Variants in SPTBN1 observed in about 807,000 individuals in gnomAD.
The protein encoded by SPTBN1 is spectrin beta, non-erythrocytic 1.
A neutral mutation model predicts 266.4 loss-of-function variants in SPTBN1; 32 were observed. The ratio of observed to expected loss-of-function variants is 0.12; its 90% CI spans 0.09 to 0.16. The LOEUF is 0.16. Among genes scored for constraint, SPTBN1 ranks in the 10% least tolerant of loss-of-function variants. The pLI, the probability that SPTBN1 is intolerant of heterozygous loss-of-function variation, is 1.00. For missense variants in SPTBN1, 2,296 were observed against 3,067.1 expected, an observed-to-expected ratio of 0.75 and a Z score of 5.94; for synonymous variants, 1,336 against 1,162.2, an observed-to-expected ratio of 1.15 and a Z score of -3.04.
Position 54,558,961 on chromosome 2 carries a change from A to G in SPTBN1, c.148+32395A>G, listed in dbSNP as rs989860928. ...TCTTGGAGGCTTTATTTGTGACCCT[A>G]ATGAAGACGGGCGGCTTCACAGCTC... On this transcript the variant is annotated intron_variant, in intron 2 of 35. Coordinates refer to ENST00000356805, the MANE Select transcript of SPTBN1 (RefSeq NM_003128.3). The surrounding 1 kb of genome is among the most constrained non-coding windows in gnomAD (Gnocchi z 4.6). The G allele has an allele frequency of 2.6e-6, 4 of 1,528,434 alleles. No individual in the cohort carries two copies. The African/African-American group carries it at 5.6e-5, about 21-fold the overall frequency. 94.7% of individuals were successfully genotyped at this position (1,528,434 alleles called of 1,614,324 possible). A position where few individuals can be genotyped will look rare whatever the true frequency, so the allele number is the denominator to read the frequency against.
At chr2:54,512,228 C>T (rs1237850957) in intron 1 of SPTBN1, among the ~76,000 whole-genome samples, 2 of 152,176 alleles carry the variant, frequency 1.3e-5, no homozygotes, top group Admixed American at 1.3e-4. Context: ...GAGGTTTGAT[C>T]ATGTTAAAAT....
intron 2 of SPTBN1, among the ~76,000 whole-genome samples, chr2:54,555,081 T>G (rs1054377963): frequency 6.6e-6 from 1 of 152,184 alleles, no homozygotes; most frequent in Admixed American, 6.5e-5. Context: ...CTACCCTCTT[T>G]CCTCTTTGAG....
At chr2:54,478,873 G>T (rs1264860946) in intron 1 of SPTBN1, among the ~76,000 whole-genome samples, 1 of 151,882 alleles carries the variant, frequency 6.6e-6, no homozygotes, top group Non-Finnish European at 1.5e-5. Flanking sequence ...GATAAAAAAA[G>T]ATGTATGTAC....
chr2:54,645,041 A>G lies in SPTBN1; in HGVS notation c.4270-188A>G. ...CGTAGAGGGCTTTAAGGGCAAATGAATTTACCTCAGATTTACTTGAAAACA... is the reference window on the plus strand; with the variant it reads ...CGTAGAGGGCTTTAAGGGCAAATGAGTTTACCTCAGATTTACTTGAAAACA... On this transcript the variant is annotated intron_variant, in intron 20 of 35. Transcript: ENST00000356805. This position sits in a 1 kb window ranked among gnomAD's most constrained non-coding sequence, Gnocchi z 4.3. The G allele has an allele frequency of 3.3e-6, 2 of 614,392 alleles. No individual in the cohort carries two copies. Among genetic ancestry groups the G allele is most frequent in the Non-Finnish European group, 5.7e-6 (2 of 351,844 alleles). The allele number at this position is 614,392 out of a possible 1,614,324, so 38.1% of individuals were successfully genotyped here.
rs372967106 is a variant in SPTBN1 at position 54,649,016 on chromosome 2, G to C, written c.5028G>C (p.Val1676=). The C allele has an allele frequency of 1.9e-6, 3 of 1,613,708 alleles. No homozygotes were observed. The highest frequency in any genetic ancestry group is 2.5e-6 in the Non-Finnish European group (3 of 1,179,756). Residue 1676 remains valine (V), a synonymous_variant, in exon 25 of 36, where the codon GTG becomes GTC. Transcript: ENST00000356805. This position sits in a 1 kb window ranked among gnomAD's most constrained non-coding sequence, Gnocchi z 6.7. ...SERISMRQSK[V]DKLYAGLKDL... ...GCATTAGCATGCGGCAGTCCAAAGT[G>C]GATAAACTGTACGCTGGTCTGAAAG...
At chr2:54,459,209 A>G (rs1693231213) in intron 1 of SPTBN1, among the ~76,000 whole-genome samples, 1 of 152,226 alleles carries the variant, frequency 6.6e-6, no homozygotes, top group Non-Finnish European at 1.5e-5. Flanking sequence ...CAAAACCTTC[A>G]TCTGAGAGGA....
chr2:54,533,658 C>T lies in SPTBN1; in HGVS notation c.148+7092C>T, dbSNP rs1390398196. Among the ~76,000 whole-genome samples the T allele has an allele frequency of 6.6e-6, 1 of 152,146 alleles. No homozygotes were observed. Among genetic ancestry groups the T allele is most frequent in the African/African-American group, 2.4e-5 (1 of 41,438 alleles). On this transcript the variant is annotated intron_variant, in intron 2 of 35. Transcript: ENST00000356805. This position sits in a 1 kb window ranked among gnomAD's most constrained non-coding sequence, Gnocchi z 4.2. Reference sequence around the variant, plus strand: ...CTCCGCCTCCTGGGTCCAAGTGATTCTCCTGCCTCAGCTTCCCGAGTAGCT... The same window carrying T: ...CTCCGCCTCCTGGGTCCAAGTGATTTTCCTGCCTCAGCTTCCCGAGTAGCT...
chr2:54,578,041 C>G (rs1338846829), intron 2 of SPTBN1, among the ~76,000 whole-genome samples: 1 of 152,122 alleles, frequency 6.6e-6, no homozygotes, highest in Non-Finnish European at 1.5e-5. Flanking sequence ...TTTGATGGTA[C>G]TTTGGAGATT....
At chr2:54,486,483 G>C (rs977530967) in intron 1 of SPTBN1, among the ~76,000 whole-genome samples, 1 of 152,086 alleles carries the variant, frequency 6.6e-6, no homozygotes, top group African/African-American at 2.4e-5. Flanking sequence ...GATTAAGGGC[G>C]GTGCAAGATG....
At chr2:54,496,391 T>C (rs1668969843) in intron 1 of SPTBN1, among the ~76,000 whole-genome samples, 1 of 146,730 alleles carries the variant, frequency 6.8e-6, no homozygotes, top group Non-Finnish European at 1.5e-5. Flanking sequence ...TGAGCCGAGA[T>C]TGCGCCACTG....
intron 18 of SPTBN1, among the ~76,000 whole-genome samples, chr2:54,640,256 C>T (rs977767953): frequency 6.6e-6 from 1 of 152,100 alleles, no homozygotes; most frequent in African/African-American, 2.4e-5. Context: ...TTACAGAGCA[C>T]TCAGAGGTCA....
At chr2:54,584,509 A>G (rs1254129726) in intron 2 of SPTBN1, among the ~76,000 whole-genome samples, 1 of 151,450 alleles carries the variant, frequency 6.6e-6, no homozygotes, top group Non-Finnish European at 1.5e-5. Flanking sequence ...GTTTCTCCAC[A>G]CCTTCAGTAG....
At chr2:54,481,223 T>G (rs990571464) in intron 1 of SPTBN1, among the ~76,000 whole-genome samples, 1 of 152,032 alleles carries the variant, frequency 6.6e-6, no homozygotes, top group African/African-American at 2.4e-5. Flanking sequence ...CTTCAGATAC[T>G]CTTCCCATTA....
intron 2 of SPTBN1, among the ~76,000 whole-genome samples, chr2:54,574,448 G>A (rs1004066178): frequency 6.6e-6 from 1 of 152,192 alleles, no homozygotes; most frequent in African/African-American, 2.4e-5. Context: ...CAGCCTACAC[G>A]TTTCTTGAGT....
Position 54,629,349 on chromosome 2 carries a change from C to T in SPTBN1, c.2215C>T (p.Arg739Cys), listed in dbSNP as rs1164246448. 4.3e-6 allele frequency: 7 copies of T among 1,613,900 alleles called. No individual in the cohort carries two copies. The highest frequency in any genetic ancestry group is 4.0e-5 in the African/African-American group (3 of 74,940). ...GCAGCTCTCGGCCATTCGGAAGAAG[C>T]GCCTGGAGGAGGCCTCCCTGCTGCA... ...LEQLSAIRKK[R>C]LEEASLLHQF... is the part of the protein sequence containing the mutation. Residue 739 changes from arginine to cysteine, a missense_variant, in exon 14 of 36, where the codon CGC becomes TGC. Physicochemically the swap from Arg to Cys is radical, Grantham distance 180. Coordinates refer to ENST00000356805, the MANE Select transcript of SPTBN1 (RefSeq NM_003128.3).
intron 18 of SPTBN1, among the ~76,000 whole-genome samples, 171 bp downstream of exon 18, chr2:54,637,974 A>G (rs1679264791): frequency 6.6e-6 from 1 of 152,264 alleles, no homozygotes; most frequent in Non-Finnish European, 1.5e-5. Context: ...CCAGCCTACA[A>G]GGTACAGCTT....
At chr2:54,519,019 A>G (rs1340530380) in intron 1 of SPTBN1, among the ~76,000 whole-genome samples, 1 of 148,752 alleles carries the variant, frequency 6.7e-6, no homozygotes, top group Non-Finnish European at 1.5e-5. Flanking sequence ...CCTATTTTAA[A>G]AAATGTGACT....
At chr2:54,557,771 C>T (rs1672972075) in intron 2 of SPTBN1, 4 of 985,318 alleles carry the variant, frequency 4.1e-6, no homozygotes, top group Non-Finnish European at 4.8e-6. Flanking sequence ...AAACCACCGC[C>T]TTCATATCCC....
At chr2:54,643,209 C>A (rs1679692963) in intron 19 of SPTBN1, 80 bp downstream of exon 19, 2 of 1,570,632 alleles carry the variant, frequency 1.3e-6, no homozygotes, top group African/African-American at 1.4e-5. Flanking sequence ...AGCACATTTT[C>A]CAGCATATCT....
Sources: gnomAD v4.1 joint callset for allele counts (sites outside exome capture counted in the v4.1 genomes callset) on GRCh38, gnomAD v4.1.1 for gene constraint, Gnocchi (gnomAD v3.1) non-coding constraint, MANE v1.5 for transcripts, NCBI Gene and HGNC (gene_info 2026-07-23, HGNC 2026-07-21) for gene names.